The following FBXL17 variants were observed in gnomAD, a reference collection of about 807,000 sequenced individuals.
FBXL17 encodes the protein F-box/LRR-repeat protein 17.
Under a neutral mutation model 66.2 loss-of-function variants are expected in FBXL17, and 22 were observed. The observed-to-expected ratio is 0.33, with a 90% CI of 0.24 to 0.47. The LOEUF is 0.47. FBXL17 is among the 20% of genes least tolerant of loss of function. The pLI is 1.00. For missense variants in FBXL17, 878 were observed against 948.2 expected, an observed-to-expected ratio of 0.93 and a Z score of 0.97; for synonymous variants, 474 against 400.5, an observed-to-expected ratio of 1.18 and a Z score of -2.19.
At chr5:108,172,082 T>C (rs1218619508) in intron 6 of FBXL17, among the ~76,000 whole-genome samples, 1 of 152,194 alleles carries the variant, frequency 6.6e-6, no homozygotes, top group Non-Finnish European at 1.5e-5. Context: ...GTCTCGGGTA[T>C]GTCCCCAACA....
At chr5:107,986,377 T>C (rs993953797) in intron 7 of FBXL17, among the ~76,000 whole-genome samples, 1 of 151,630 alleles carries the variant, frequency 6.6e-6, no homozygotes, top group Non-Finnish European at 1.5e-5. Flanking sequence ...GCTAAAAAAA[T>C]TATAAGATTA....
At chr5:108,063,791 A>G (rs1054859047) in intron 6 of FBXL17, among the ~76,000 whole-genome samples, 21 of 152,140 alleles carry the variant, frequency 1.4e-4, no homozygotes, top group African/African-American at 5.1e-4. Context: ...TACAAAACAG[A>G]TATTTATAAT....
chr5:108,288,450 G>A (rs984499839), intron 4 of FBXL17, among the ~76,000 whole-genome samples: 7 of 151,826 alleles, frequency 4.6e-5, no homozygotes, highest in Non-Finnish European at 7.4e-5. Flanking sequence ...TATCTCAGAA[G>A]CATAATAAAG....
chr5:108,259,556 A>C (rs1756723326), intron 4 of FBXL17, among the ~76,000 whole-genome samples: 3 of 152,176 alleles, frequency 2.0e-5, no homozygotes. Flanking sequence ...ACACAGCCTC[A>C]GTTAGAAATG....
At chr5:108,022,608 A>G (rs994562282) in intron 6 of FBXL17, among the ~76,000 whole-genome samples, 18 of 152,088 alleles carry the variant, frequency 1.2e-4, no homozygotes, top group African/African-American at 3.9e-4. Flanking sequence ...CATTAATTGC[A>G]GTTTGTTCTC....
At chr5:108,043,010 A>G (rs1580364052) in intron 6 of FBXL17, among the ~76,000 whole-genome samples, 1 of 152,186 alleles carries the variant, frequency 6.6e-6, no homozygotes, top group Admixed American at 6.5e-5. Flanking sequence ...CAAGTACTTA[A>G]TTTTTGTTCA....
intron 5 of FBXL17, among the ~76,000 whole-genome samples, chr5:108,210,471 C>T (rs771340108): frequency 5.9e-5 from 9 of 152,202 alleles, no homozygotes; most frequent in South Asian, 2.1e-4. Context: ...TCCCTCTACA[C>T]ACTGCTTTAA....
At chr5:108,339,454 A>G (rs1444559723) in intron 4 of FBXL17, among the ~76,000 whole-genome samples, 1 of 152,178 alleles carries the variant, frequency 6.6e-6, no homozygotes, top group African/African-American at 2.4e-5. Flanking sequence ...CCCGTTGCCA[A>G]CACTTGAGCA....
chr5:108,378,684 G>A (rs1749621065), intron 1 of FBXL17, among the ~76,000 whole-genome samples: 1 of 152,144 alleles, frequency 6.6e-6, no homozygotes, highest in Non-Finnish European at 1.5e-5. Flanking sequence ...TCTCTTCGTG[G>A]TGTGGCGTAT....
chr5:108,282,846 C>A (rs1260358057), intron 4 of FBXL17, among the ~76,000 whole-genome samples: 1 of 151,004 alleles, frequency 6.6e-6, no homozygotes, highest in Non-Finnish European at 1.5e-5. Context: ...ACCAGTAGTG[C>A]TTCTATATAT....
rs1748090051 is a variant in FBXL17 at position 107,860,427 on chromosome 5, TC to T, written c.*1292del. 1 of 152,638 alleles carries T rather than the reference TC, an allele frequency of 6.6e-6. No homozygotes were observed. The highest frequency in any genetic ancestry group is 1.5e-5 in the Non-Finnish European group (1 of 68,020). The allele number at this position is 152,638 out of a possible 1,614,324, so 9.5% of individuals were successfully genotyped here. ...ACAGGAACAGTTATTTGAGCCTGAG[TC>T]CCTATTATGAATTAATTGTAAAGAT... On this transcript the variant is annotated 3_prime_UTR_variant, in exon 9 of 9. Transcript: ENST00000542267.
chr5:108,269,837 T>C (rs1757194518), intron 4 of FBXL17, among the ~76,000 whole-genome samples: 1 of 152,076 alleles, frequency 6.6e-6, no homozygotes, highest in South Asian at 2.1e-4. Flanking sequence ...GAGGGTTTGT[T>C]TTCTCTTTTT....
chr5:108,228,483 C>T (rs1181362832), intron 4 of FBXL17, among the ~76,000 whole-genome samples: 1 of 152,206 alleles, frequency 6.6e-6, no homozygotes, highest in Non-Finnish European at 1.5e-5. Flanking sequence ...CCTCTCTATA[C>T]ACTTTGTTCA....
At chr5:108,088,511 C>T (rs1749057454) in intron 6 of FBXL17, among the ~76,000 whole-genome samples, 1 of 151,850 alleles carries the variant, frequency 6.6e-6, no homozygotes, top group Admixed American at 6.6e-5. Context: ...ACCATCCTGG[C>T]TAACACAGTA....
intron 7 of FBXL17, among the ~76,000 whole-genome samples, chr5:107,993,183 C>G (rs955133817): frequency 6.6e-6 from 1 of 152,162 alleles, no homozygotes; most frequent in African/African-American, 2.4e-5. Flanking sequence ...GCGTGAGCCA[C>G]CGCACCCGGC....
chr5:108,374,011 T>C (rs1749245334), intron 1 of FBXL17, among the ~76,000 whole-genome samples: 1 of 152,082 alleles, frequency 6.6e-6, no homozygotes, highest in Non-Finnish European at 1.5e-5. Flanking sequence ...TCCAAAAATA[T>C]ACACAGATTG....
intron 6 of FBXL17, among the ~76,000 whole-genome samples, chr5:108,108,621 C>G (rs952289451): frequency 6.6e-6 from 1 of 151,980 alleles, no homozygotes; most frequent in African/African-American, 2.4e-5. Flanking sequence ...CTTTAGTTTT[C>G]TACTGTAAAA....
intron 4 of FBXL17, among the ~76,000 whole-genome samples, chr5:108,270,520 T>C (rs985080607): frequency 1.4e-4 from 21 of 149,248 alleles, no homozygotes; most frequent in African/African-American, 5.1e-4. Flanking sequence ...GAAAAGGAGG[T>C]GACTCTTAGG....
chr5:108,238,755 G>A (rs1029511407), intron 4 of FBXL17, among the ~76,000 whole-genome samples: 1 of 152,026 alleles, frequency 6.6e-6, no homozygotes, highest in Non-Finnish European at 1.5e-5. Flanking sequence ...AAGCAATCCA[G>A]CTGCCTCAGC....
Sources: allele counts gnomAD v4.1 joint callset (sites outside exome capture counted in the v4.1 genomes callset), GRCh38; gene constraint gnomAD v4.1.1; transcripts MANE v1.5; gene names NCBI Gene and HGNC (gene_info 2026-07-23, HGNC 2026-07-21).